The following AFDN variants were observed in gnomAD, a reference collection of about 807,000 sequenced individuals.
The protein encoded by AFDN is afadin, adherens junction formation factor.
Under a neutral mutation model 216.6 loss-of-function variants are expected in AFDN, and 68 were observed. That is an observed-to-expected ratio of 0.31 (90% CI 0.26 to 0.38). The LOEUF is 0.38. Ranked by LOEUF, AFDN falls within the 10% of genes least tolerant of loss-of-function variation. The probability of loss-of-function intolerance (pLI) is 1.00; values close to 1 mark genes in which losing one functional copy is unlikely to be tolerated. For synonymous variants in AFDN, 868 were observed against 853.7 expected (o/e 1.02, Z -0.29); for missense variants, 2,136 against 2,342.0 (o/e 0.91, Z 1.82).
At position 167,907,357 on chromosome 6, in the gene AFDN, G is replaced by A; in HGVS notation, c.1769+68G>A. On this transcript the variant is annotated intron_variant, in intron 13 of 33. Transcript: ENST00000683244. The stretch of plus-strand genomic sequence containing the variant: ...ATTCCTAAAAAAGGGTTGGGATAAA[G>A]ATTGTTGAATTTATAAAGGTTCAGC... The A allele has an allele frequency of 3.2e-6, 4 of 1,256,176 alleles. No homozygotes were observed. In the South Asian group the frequency reaches 4.9e-5, roughly 15 times the overall value. The allele number at this position is 1,256,176 out of a possible 1,614,324, so 77.8% of individuals were successfully genotyped here. A position where few individuals can be genotyped will look rare whatever the true frequency, so the allele number is the denominator to read the frequency against.
At chr6:167,887,891 AT>A (rs1182819717) in intron 6 of AFDN, among the ~76,000 whole-genome samples, 3 of 152,236 alleles carry the variant, frequency 2.0e-5, no homozygotes, top group Non-Finnish European at 4.4e-5. Flanking sequence ...AGAGCTTATA[AT>A]AAAGGGAGAC....
intron 9 of AFDN, 44 bp from the exon 10 acceptor site, chr6:167,896,834 T>C: frequency 8.7e-7 from 1 of 1,148,930 alleles, no homozygotes; most frequent in Non-Finnish European, 1.3e-6. Flanking sequence ...ATGACAGTAA[T>C]ATTAGACTTT....
rs560258288 is a variant in AFDN, at chr6:167,957,454, G to A, written c.4834-4979G>A. Among the ~76,000 whole-genome samples the A allele has an allele frequency of 2.0e-5, 3 of 152,260 alleles. No homozygotes were observed. The South Asian group carries it at 6.2e-4, about 32-fold the overall frequency. On this transcript the variant is annotated intron_variant, in intron 30 of 33. Transcript: ENST00000683244. ...GCTCTCGAAGGTGTGTGACCTTCCT[G>A]ACTGTTAGCATCTCAAGAGTAAAGC...
intron 6 of AFDN, among the ~76,000 whole-genome samples, chr6:167,885,703 A>T (rs1786706759): frequency 1.3e-5 from 2 of 152,246 alleles, no homozygotes. Context: ...ACACAAAGTG[A>T]GCAATGCTGT....
intron 6 of AFDN, among the ~76,000 whole-genome samples, chr6:167,884,489 T>A (rs1786530648): frequency 6.6e-6 from 1 of 152,240 alleles, no homozygotes; most frequent in Non-Finnish European, 1.5e-5. Context: ...GAGTGGGTGT[T>A]GCTTTAGTAA....
intron 1 of AFDN, chr6:167,864,268 C>A: frequency 1.6e-6 from 1 of 630,330 alleles, no homozygotes. Flanking sequence ...GTGTGCCTAC[C>A]ACTTGCCAAG....
At chr6:167,842,689 A>G (rs1781206636) in intron 1 of AFDN, among the ~76,000 whole-genome samples, 1 of 152,144 alleles carries the variant, frequency 6.6e-6, no homozygotes, top group African/African-American at 2.4e-5. Context: ...ATGTTGACAT[A>G]TTGCTTTCAT....
chr6:167,951,669 A>ATC lies in AFDN; in HGVS notation c.4315_4316insTC (p.Arg1439IlefsTer19). ...GGCCCGCCTGGAGGAGGAGCGGGAG[A>ATC]GGAAGCGGAGAGAGCAGGAGAGGAA... On this transcript the variant is annotated frameshift_variant, in exon 30 of 34. Coordinates refer to ENST00000683244, the MANE Select transcript of AFDN (RefSeq NM_001386888.1). LOFTEE classifies it high-confidence loss of function. This position sits in a 1 kb window ranked among gnomAD's most constrained non-coding sequence, Gnocchi z 7.1. 6.2e-7 allele frequency: 1 copy of ATC among 1,613,836 alleles called. No homozygotes were observed. The highest frequency in any genetic ancestry group is 8.5e-7 in the Non-Finnish European group (1 of 1,179,890).
intron 25 of AFDN, 111 bp downstream of exon 25, chr6:167,943,586 C>G (rs749899893): frequency 3.6e-6 from 3 of 835,080 alleles, no homozygotes; most frequent in Admixed American, 3.7e-5. Flanking sequence ...TCATATTACT[C>G]TTTACCTTTT....
At chr6:167,898,103 GGTTAT>G in intron 10 of AFDN, 97 bp from the exon 11 acceptor site, 3 of 1,258,756 alleles carry the variant, frequency 2.4e-6, no homozygotes, top group Non-Finnish European at 3.3e-6. Context: ...GAGCTTATTA[GGTTAT>G]ATTTGTCATA....
chr6:167,872,333 A>G lies in AFDN; in HGVS notation c.534A>G (p.Arg178=), dbSNP rs1272508774. 6.2e-7 allele frequency: 1 copy of G among 1,613,968 alleles called. No individual in the cohort carries two copies. The change falls in exon 4 of 34, where the codon CGA becomes CGG. Residue 178 remains arginine (R), a synonymous_variant. Transcript: ENST00000683244. ...EKKKREKEAL[R]QASDKDDRPF... is the part of the protein sequence containing the mutation. ...AGAAGAGAGAAAAAGAGGCATTGCG[A>G]CAGGCATCTGATAAAGATGATAGAC...
Position 167,918,670 on chromosome 6 carries a change from G to A in AFDN, c.2710-65G>A, listed in dbSNP as rs189318207. ...GCAGTGAGCAGACAGCCTTTGAATAGTTGTTGGTCACATGCACCAGGCAGT... is the reference window on the plus strand; with the variant it reads ...GCAGTGAGCAGACAGCCTTTGAATAATTGTTGGTCACATGCACCAGGCAGT... On this transcript the variant is annotated intron_variant, in intron 20 of 33. Coordinates refer to ENST00000683244, the MANE Select transcript of AFDN (RefSeq NM_001386888.1). 1.7e-3 allele frequency: 2,535 copies of A among 1,459,690 alleles called. 8 individuals are homozygous for A. The highest frequency in any genetic ancestry group is 0.014 in the Middle Eastern group (59 of 4,346). 90.4% of individuals were successfully genotyped at this position (1,459,690 alleles called of 1,614,324 possible).
At chr6:167,963,660 T>C in intron 31 of AFDN, 2 of 1,060,170 alleles carry the variant, frequency 1.9e-6, no homozygotes, top group Non-Finnish European at 2.3e-6. Flanking sequence ...TTTGTAGACC[T>C]TTGCCCTCTA....
At chr6:167,880,117 G>A (rs900550294) in intron 5 of AFDN, among the ~76,000 whole-genome samples, 6 of 152,144 alleles carry the variant, frequency 3.9e-5, no homozygotes, top group African/African-American at 1.4e-4. Flanking sequence ...CTTGAAGAGA[G>A]AAGATGAAAA....
intron 4 of AFDN, among the ~76,000 whole-genome samples, chr6:167,874,307 A>G (rs1374676898): frequency 6.6e-6 from 1 of 152,224 alleles, no homozygotes; most frequent in Non-Finnish European, 1.5e-5. Context: ...GGGGTGATAA[A>G]TTATTTAACT....
chr6:167,834,939 G>A (rs1233774812), intron 1 of AFDN, among the ~76,000 whole-genome samples: 1 of 152,142 alleles, frequency 6.6e-6, no homozygotes, highest in Non-Finnish European at 1.5e-5. Context: ...CTATGAAGGA[G>A]CCACTGCACT....
At chr6:167,952,258 G>T in intron 30 of AFDN, 71 bp downstream of exon 30, 2 of 1,610,462 alleles carry the variant, frequency 1.2e-6, no homozygotes. Flanking sequence ...TTCCCATGGG[G>T]ATAGCTAGGC....
chr6:167,857,421 A>T (rs992878011), intron 1 of AFDN, among the ~76,000 whole-genome samples: 14 of 152,080 alleles, frequency 9.2e-5, no homozygotes, highest in Non-Finnish European at 1.9e-4. Flanking sequence ...GTACTCAAAG[A>T]CTGTTTAACA....
At position 167,881,683 on chromosome 6, in the gene AFDN, A is replaced by G. The variant is rs148618519; in HGVS notation, c.897+1166A>G. On this transcript the variant is annotated intron_variant, in intron 6 of 33. Transcript: ENST00000683244. ...TTCCCTACCCTAACTGCTGAAGGCT[A>G]GAGTAAAACTGATGGGAGGTGGGTG... Among the ~76,000 whole-genome samples, 495 of 152,326 alleles carry G rather than the reference A, an allele frequency of 3.2e-3. 3 individuals are homozygous for G. The highest frequency in any genetic ancestry group is 0.011 in the African/African-American group (453 of 41,572).
Sources: allele counts gnomAD v4.1 joint callset (sites outside exome capture counted in the v4.1 genomes callset), GRCh38; gene constraint gnomAD v4.1.1; non-coding constraint Gnocchi (gnomAD v3.1); transcripts MANE v1.5; gene names NCBI Gene and HGNC (gene_info 2026-07-23, HGNC 2026-07-21).